The following HEMK2 variants were observed in gnomAD, a reference collection of about 807,000 sequenced individuals.
The protein encoded by HEMK2 is methyltransferase HEMK2.
the HEMK2 span, among the ~76,000 whole-genome samples, chr21:28,866,458 A>G: frequency 5.9e-5 from 9 of 151,998 alleles, no homozygotes; most frequent in Non-Finnish European, 1.0e-4. Flanking sequence ...CAAAAAATAA[A>G]TAAAGAGCAC....
At chr21:28,680,354 G>A in the HEMK2 span, among the ~76,000 whole-genome samples, 1 of 152,172 alleles carries the variant, frequency 6.6e-6, no homozygotes, top group African/African-American at 2.4e-5. Context: ...AAACCAGGAA[G>A]AAGTGGAATC....
At chr21:28,708,968 C>G in the HEMK2 span, among the ~76,000 whole-genome samples, 2 of 152,182 alleles carry the variant, frequency 1.3e-5, no homozygotes, top group Non-Finnish European at 2.9e-5. Context: ...TCTCAGTATC[C>G]TGGAGGCTGG....
the HEMK2 span, among the ~76,000 whole-genome samples, chr21:28,737,976 T>C: frequency 6.6e-6 from 1 of 152,134 alleles, no homozygotes; most frequent in African/African-American, 2.4e-5. Flanking sequence ...GAAAAGCCAA[T>C]TGCACTGTGT....
chr21:28,649,384 A>G, the HEMK2 span, among the ~76,000 whole-genome samples: 1 of 152,218 alleles, frequency 6.6e-6, no homozygotes. Context: ...GAATCAAAAC[A>G]TATCACCTCA....
the HEMK2 span, among the ~76,000 whole-genome samples, chr21:28,863,629 A>G: frequency 6.6e-6 from 1 of 151,562 alleles, no homozygotes; most frequent in South Asian, 2.1e-4. Flanking sequence ...CTTTCTCTAG[A>G]AGGAAAAAGC....
chr21:28,759,092 T>A, the HEMK2 span, among the ~76,000 whole-genome samples: 1 of 152,214 alleles, frequency 6.6e-6, no homozygotes, highest in African/African-American at 2.4e-5. Flanking sequence ...AATCTGTGCA[T>A]TTGCACAAGG....
the HEMK2 span, among the ~76,000 whole-genome samples, chr21:28,727,801 G>C: frequency 6.6e-6 from 1 of 152,128 alleles, no homozygotes; most frequent in South Asian, 2.1e-4. Context: ...GACCAGACCT[G>C]TTTCATTCAA....
chr21:28,881,770 G>A, the HEMK2 span, among the ~76,000 whole-genome samples: 2,347 of 151,756 alleles, frequency 0.015, 44 homozygotes, highest in African/African-American at 0.053. Flanking sequence ...TAGCTGGCAC[G>A]ACAGGTGCGC....
the HEMK2 span, among the ~76,000 whole-genome samples, chr21:28,829,069 A>G: frequency 1.3e-5 from 2 of 152,140 alleles, no homozygotes; most frequent in Non-Finnish European, 2.9e-5. Context: ...TGACTTCAAG[A>G]GCTCCTCTTA....
chr21:28,867,342 G>A, the HEMK2 span, among the ~76,000 whole-genome samples: 2 of 152,076 alleles, frequency 1.3e-5, no homozygotes, highest in African/African-American at 2.4e-5. Flanking sequence ...ATATTAAGCA[G>A]AAAACTCAAT....
chr21:28,848,682 T>C, the HEMK2 span, among the ~76,000 whole-genome samples: 1 of 152,224 alleles, frequency 6.6e-6, no homozygotes, highest in Non-Finnish European at 1.5e-5. Context: ...TTGATAAAAC[T>C]ATAGTTTTCC....
chr21:28,791,082 T>G, the HEMK2 span, among the ~76,000 whole-genome samples: 2 of 152,250 alleles, frequency 1.3e-5, no homozygotes, highest in African/African-American at 2.4e-5. Context: ...AATGATGGAT[T>G]AGGGACAGCA....
At chr21:28,684,962 C>T in the HEMK2 span, among the ~76,000 whole-genome samples, 1 of 152,290 alleles carries the variant, frequency 6.6e-6, no homozygotes, top group East Asian at 1.9e-4. Context: ...CAGTAATGTA[C>T]TATTGCAATA....
At chr21:28,695,974 TTA>T in the HEMK2 span, among the ~76,000 whole-genome samples, 1 of 151,552 alleles carries the variant, frequency 6.6e-6, no homozygotes, top group Non-Finnish European at 1.5e-5. Flanking sequence ...TCGGTAATTT[TTA>T]TATATATATA....
chr21:28,606,453 A>G, the HEMK2 span, among the ~76,000 whole-genome samples: 1 of 152,214 alleles, frequency 6.6e-6, no homozygotes, highest in Admixed American at 6.5e-5. Context: ...CTGGCTGGTC[A>G]TCTCACTCCC....
At chr21:28,860,164 A>G in the HEMK2 span, among the ~76,000 whole-genome samples, 1 of 152,124 alleles carries the variant, frequency 6.6e-6, no homozygotes, top group Non-Finnish European at 1.5e-5. Context: ...AATTTGAGTC[A>G]CTGGGCTGGG....
the HEMK2 span, among the ~76,000 whole-genome samples, chr21:28,814,777 T>C: frequency 1.4e-4 from 19 of 136,320 alleles, no homozygotes; most frequent in Middle Eastern, 3.5e-3. Flanking sequence ...TTTTACACTG[T>C]TGGTGGGACT....
chr21:28,825,330 T>G, the HEMK2 span, among the ~76,000 whole-genome samples: 16 of 152,330 alleles, frequency 1.1e-4, no homozygotes, highest in Non-Finnish European at 1.5e-4. Flanking sequence ...CATGTAATGC[T>G]GATGCTGTTG....
At chr21:28,799,229 T>C in the HEMK2 span, among the ~76,000 whole-genome samples, 1 of 152,152 alleles carries the variant, frequency 6.6e-6, no homozygotes, top group Non-Finnish European at 1.5e-5. Flanking sequence ...TGGGGAGGCC[T>C]CACAATCATG....
Sources: allele counts gnomAD v4.1 joint callset (sites outside exome capture counted in the v4.1 genomes callset), GRCh38; gene constraint gnomAD v4.1.1; transcripts MANE v1.5; gene names NCBI Gene and HGNC (gene_info 2026-07-23, HGNC 2026-07-21).